The following MAGI1 variants were observed in gnomAD, a reference collection of about 807,000 sequenced individuals.
MAGI1 encodes membrane associated guanylate kinase, WW and PDZ domain containing 1, also known as membrane-associated guanylate kinase, WW and PDZ domain-containing protein 1.
In MAGI1, 58 loss-of-function variants were observed where a neutral mutation model predicts 139.9. The ratio of observed to expected loss-of-function variants is 0.41; its 90% confidence interval spans 0.34 to 0.52. The LOEUF is 0.52. MAGI1 is among the 20% of genes least tolerant of loss of function. The pLI is 0.12. For missense variants in MAGI1, 1,874 were observed against 1,901.6 expected (o/e 0.99, Z 0.27); for synonymous variants, 812 against 737.9 (o/e 1.10, Z -1.63).
intron 1 of MAGI1, among the ~76,000 whole-genome samples, chr3:66,018,961 G>A (rs1019137930): frequency 6.6e-6 from 1 of 152,048 alleles, no homozygotes; most frequent in Non-Finnish European, 1.5e-5. Flanking sequence ...TATCCAATTG[G>A]AAGGTACCTA....
At chr3:65,568,032 C>A (rs2080754926) in intron 2 of MAGI1, among the ~76,000 whole-genome samples, 1 of 152,094 alleles carries the variant, frequency 6.6e-6, no homozygotes, top group South Asian at 2.1e-4. Context: ...CATGTCAATT[C>A]CAACACAGAA....
intron 1 of MAGI1, among the ~76,000 whole-genome samples, chr3:65,679,051 A>C (rs1357068706): frequency 6.6e-6 from 1 of 152,120 alleles, no homozygotes; most frequent in African/African-American, 2.4e-5. Flanking sequence ...CATGTTGTTT[A>C]ATTTCTCGTC....
chr3:65,517,686 G>C (rs1052800267), intron 2 of MAGI1, among the ~76,000 whole-genome samples: 1 of 152,116 alleles, frequency 6.6e-6, no homozygotes, highest in African/African-American at 2.4e-5. Flanking sequence ...CATCCTAAGA[G>C]GTACCAGTGC....
chr3:65,683,886 T>G (rs2087783758), intron 1 of MAGI1, among the ~76,000 whole-genome samples: 2 of 151,214 alleles, frequency 1.3e-5, no homozygotes, highest in Admixed American at 1.3e-4. Context: ...CAAGTACTTT[T>G]ATAAGAAAAC....
chr3:65,987,228 A>G (rs138271362), intron 1 of MAGI1, among the ~76,000 whole-genome samples: 6 of 152,210 alleles, frequency 3.9e-5, no homozygotes, highest in Non-Finnish European at 7.4e-5. Flanking sequence ...CATTTCACTC[A>G]TGTGACTTTG....
chr3:65,987,702 C>CTCCCACTTCACCCTCCCCAGTAGCT, intron 1 of MAGI1, among the ~76,000 whole-genome samples: 1 of 151,934 alleles, frequency 6.6e-6, no homozygotes, highest in East Asian at 1.9e-4. Flanking sequence ...CCAAGCAATT[C>CTCCCACTTCACCCTCCCCAGTAGCT]GGGACTACAG....
intron 1 of MAGI1, among the ~76,000 whole-genome samples, chr3:65,673,480 T>C (rs974393296): frequency 6.6e-6 from 1 of 152,214 alleles, no homozygotes; most frequent in African/African-American, 2.4e-5. Flanking sequence ...AGGTGTACCA[T>C]ATTTAGCCCC....
chr3:65,619,743 C>A (rs1462337060), intron 2 of MAGI1: 3 of 478,124 alleles, frequency 6.3e-6, no homozygotes, highest in Non-Finnish European at 8.2e-6. Context: ...CCCAAGTAAG[C>A]CCCAGTCTAC....
intron 1 of MAGI1, among the ~76,000 whole-genome samples, chr3:65,780,129 C>G (rs2038812307): frequency 6.6e-6 from 1 of 151,868 alleles, no homozygotes; most frequent in Non-Finnish European, 1.5e-5. Context: ...CTCAGGTGAT[C>G]CTCCCACCTC....
intron 1 of MAGI1, among the ~76,000 whole-genome samples, chr3:65,870,671 G>A (rs1204197885): frequency 7.0e-6 from 1 of 143,690 alleles, no homozygotes; most frequent in Non-Finnish European, 1.5e-5. Context: ...GGGTAGAGAA[G>A]AAGGAAAACT....
Position 65,626,879 on chromosome 3 carries a change from T to A in MAGI1, c.314-4791A>T, listed in dbSNP as rs181351799. 3.4e-3 allele frequency among the ~76,000 whole-genome samples: 522 copies of A among 152,352 alleles called. 3 individuals carry two copies. The highest frequency in any genetic ancestry group is 0.012 in the African/African-American group (498 of 41,586). Reference sequence around the variant, plus strand: ...CTAATCTCAAATTAATTGCCAATTATTCAAGAGACATGTCTATAAATTGTC... The same window carrying A: ...CTAATCTCAAATTAATTGCCAATTAATCAAGAGACATGTCTATAAATTGTC... On this transcript the variant is annotated intron_variant, in intron 1 of 22. Transcript: ENST00000402939.
chr3:65,801,807 G>T (rs1289736177), intron 1 of MAGI1, among the ~76,000 whole-genome samples: 1 of 152,038 alleles, frequency 6.6e-6, no homozygotes, highest in Non-Finnish European at 1.5e-5. Flanking sequence ...AACCCCTAAA[G>T]CAGGGGTCCC....
At chr3:65,818,927 T>C (rs112544512) in intron 1 of MAGI1, among the ~76,000 whole-genome samples, 204 of 152,344 alleles carry the variant, frequency 1.3e-3, no homozygotes, top group African/African-American at 4.7e-3. Context: ...ATTCCATTCA[T>C]ACTAGAAAAC....
chr3:65,869,965 C>T (rs899912768), intron 1 of MAGI1, among the ~76,000 whole-genome samples: 4 of 152,162 alleles, frequency 2.6e-5, no homozygotes, highest in African/African-American at 4.8e-5. Context: ...CCCTAGAAAT[C>T]GAAATCTGCA....
chr3:65,452,956 T>G (rs1049896779), intron 6 of MAGI1: 5 of 277,440 alleles, frequency 1.8e-5, no homozygotes, highest in African/African-American at 2.2e-5. Context: ...CCTAGAGACT[T>G]TCTAGAATTT....
chr3:65,517,402 G>T (rs1032409427), intron 2 of MAGI1, among the ~76,000 whole-genome samples: 1 of 152,052 alleles, frequency 6.6e-6, no homozygotes, highest in African/African-American at 2.4e-5. Flanking sequence ...TTTCTCCACA[G>T]CACATATCAA....
At chr3:65,801,631 C>T (rs2040521031) in intron 1 of MAGI1, among the ~76,000 whole-genome samples, 1 of 151,754 alleles carries the variant, frequency 6.6e-6, no homozygotes, top group South Asian at 2.1e-4. Context: ...CCAATCACTT[C>T]TCCTACATTC....
At chr3:65,460,642 A>T (rs531399774) in intron 5 of MAGI1, among the ~76,000 whole-genome samples, 68 of 152,186 alleles carry the variant, frequency 4.5e-4, no homozygotes, top group Non-Finnish European at 8.7e-4. Flanking sequence ...GGTTTGCTGC[A>T]CCCATCAACC....
chr3:65,397,833 G>A (rs892389346), intron 13 of MAGI1, among the ~76,000 whole-genome samples: 9 of 152,062 alleles, frequency 5.9e-5, no homozygotes, highest in African/African-American at 2.2e-4. Context: ...TATGAGGTGA[G>A]GATCTTTGTA....
Sources: allele counts gnomAD v4.1 joint callset (sites outside exome capture counted in the v4.1 genomes callset), GRCh38; gene constraint gnomAD v4.1.1; transcripts MANE v1.5; gene names NCBI Gene and HGNC (gene_info 2026-07-23, HGNC 2026-07-21).